Variants in WDR36 observed in about 807,000 individuals in gnomAD.
WDR36 encodes the protein WD repeat-containing protein 36.
WDR36 carries 63 observed loss-of-function variants against 112.7 expected under a neutral mutation model. The ratio of observed to expected loss-of-function variants is 0.56; its 90% confidence interval spans 0.46 to 0.69. The LOEUF (loss-of-function observed/expected upper bound fraction) is 0.69. Among genes scored for constraint, WDR36 ranks in the 30% least tolerant of loss-of-function variants. The pLI is 0.00. For missense variants in WDR36, 1,226 were observed against 1,070.3 expected (o/e 1.15, Z -2.03); for synonymous variants, 410 against 362.2 (o/e 1.13, Z -1.50).
At chr5:111,119,956 A>G (rs529880346) in intron 17 of WDR36, among the ~76,000 whole-genome samples, 40 of 152,212 alleles carry the variant, frequency 2.6e-4, no homozygotes, top group Non-Finnish European at 5.3e-4. Context: ...TTTATTTTCT[A>G]TTCCAGATTC....
At chr5:111,112,691 A>G (rs1163108585) in intron 15 of WDR36, among the ~76,000 whole-genome samples, 1 of 151,968 alleles carries the variant, frequency 6.6e-6, no homozygotes, top group Non-Finnish European at 1.5e-5. Context: ...CATTATTAAA[A>G]GAGAAAAGAT....
chr5:111,105,234 G>A (rs1177034110), intron 9 of WDR36, 61 bp from the exon 10 acceptor site: 1 of 1,508,466 alleles, frequency 6.6e-7, no homozygotes, highest in Non-Finnish European at 9.2e-7. Context: ...TAAAATTTGT[G>A]ATTCACATAG....
chr5:111,096,944 A>G, intron 2 of WDR36, 135 bp from the exon 3 acceptor site: 1 of 632,308 alleles, frequency 1.6e-6, no homozygotes, highest in Non-Finnish European at 2.8e-6. Context: ...AAAATTTTAT[A>G]CACTGATTCT....
chr5:111,118,845 TA>T (rs1561708969), intron 16 of WDR36, among the ~76,000 whole-genome samples, 167 bp from the exon 17 acceptor site: 1 of 152,170 alleles, frequency 6.6e-6, no homozygotes, highest in East Asian at 1.9e-4. Flanking sequence ...GTAACTTAGT[TA>T]ACAAAGCTGT....
Position 111,119,033 on chromosome 5 carries a change from T to G in WDR36, c.1817T>G (p.Leu606Trp), listed in dbSNP as rs1386572814. The G allele has an allele frequency of 6.2e-7, 1 of 1,613,538 alleles. No homozygotes were observed. The highest frequency in any genetic ancestry group is 1.7e-5 in the Admixed American group (1 of 59,998). Residue 606 changes from leucine to tryptophan, a missense_variant, in exon 17 of 23, where the codon TTG becomes TGG. Transcript: ENST00000513710. ...PSGCLIDCFL[L>W]DSAPLNVSMS... Reference sequence around the variant, plus strand: ...TGTAGCCTTATAGACTGCTTTTTGTTGGACTCGGCTCCTCTCAATGTTTCT... The same window carrying G: ...TGTAGCCTTATAGACTGCTTTTTGTGGGACTCGGCTCCTCTCAATGTTTCT...
rs767362378 is a variant in WDR36 at position 111,092,450 on chromosome 5, G to C, written c.-7G>C. ...CAGAGCTGAGAGGAGCTGGGATCGCGGCGGCAATGGAACGGGCCTCAGAAA... is the reference window on the plus strand; with the variant it reads ...CAGAGCTGAGAGGAGCTGGGATCGCCGCGGCAATGGAACGGGCCTCAGAAA... On this transcript the variant is annotated 5_prime_UTR_variant, in exon 1 of 23. Coordinates refer to ENST00000513710, the MANE Select transcript of WDR36 (RefSeq NM_139281.3). 6 of 1,614,230 alleles carry C rather than the reference G, an allele frequency of 3.7e-6. No homozygotes were observed. The highest frequency in any genetic ancestry group is 5.1e-6 in the Non-Finnish European group (6 of 1,180,038).
At chr5:111,122,766 G>A (rs1432431638) in intron 19 of WDR36, among the ~76,000 whole-genome samples, 2 of 152,180 alleles carry the variant, frequency 1.3e-5, no homozygotes, top group South Asian at 2.1e-4. Flanking sequence ...ATAATGTGAG[G>A]TGAAATTGTG....
rs905503206 is a variant in WDR36 at position 111,123,823 on chromosome 5, G to A, written c.2167G>A (p.Glu723Lys). Residue 723 changes from glutamate to lysine, a missense_variant, in exon 20 of 23, where the codon GAA (glutamate) becomes AAA (lysine). By Grantham distance (56) the Glu-to-Lys change is moderately conservative (BLOSUM62 1). Transcript: ENST00000513710. Reference protein sequence around the residue: ...DVIKKKNKPKEPPKVPKSAPF... With the variant: ...DVIKKKNKPKKPPKVPKSAPF... Reference sequence around the variant, plus strand: ...TAATCAGAAAAAGAATAAACCAAAGGAACCACCCAAAGTACCCAAATCAGC... The same window carrying A: ...TAATCAGAAAAAGAATAAACCAAAGAAACCACCCAAAGTACCCAAATCAGC... 2 of 1,613,452 alleles carry A rather than the reference G, an allele frequency of 1.2e-6. No homozygotes were observed. The highest frequency in any genetic ancestry group is 2.7e-5 in the African/African-American group (2 of 74,858).
At chr5:111,126,232 G>C (rs1480300193) in intron 22 of WDR36, among the ~76,000 whole-genome samples, 2 of 151,264 alleles carry the variant, frequency 1.3e-5, no homozygotes, top group African/African-American at 4.9e-5. Context: ...AGTTGGGTTT[G>C]TTTGTTTTTT....
At chr5:111,104,447 G>A (rs776055983) in intron 8 of WDR36, 95 bp downstream of exon 8, 1 of 1,537,526 alleles carries the variant, frequency 6.5e-7, no homozygotes, top group Non-Finnish European at 9.0e-7. Context: ...CAACCTAGAA[G>A]ATGAAAGGAA....
rs895880736 is a variant in WDR36, at chr5:111,111,265, A to G, written c.1703A>G (p.Gln568Arg). 7 of 1,610,948 alleles carry G rather than the reference A, an allele frequency of 4.3e-6. No homozygotes were observed. In the South Asian group the frequency reaches 4.4e-5, roughly 10 times the overall value. The change falls in exon 15 of 23, where the codon CAA becomes CGA. Residue 568 changes from glutamine (Q) to arginine (R), a missense_variant. By Grantham distance (43) the Gln-to-Arg change is conservative. Transcript: ENST00000513710. Reference sequence around the variant, plus strand: ...AGAGAGTTTTCTGGACACCAAGGCCAAATAAATGACATGGTAAAACAAACT... The same window carrying G: ...AGAGAGTTTTCTGGACACCAAGGCCGAATAAATGACATGGTAAAACAAACT... The part of the protein sequence containing the change: ...IVREFSGHQG[Q>R]INDMAFSPDG...
chr5:111,121,192 T>C (rs373785449), intron 19 of WDR36, 51 bp downstream of exon 19: 23 of 1,605,888 alleles, frequency 1.4e-5, no homozygotes, highest in East Asian at 8.9e-5. Flanking sequence ...AGAAGCATTT[T>C]TATTTTTTTA....
intron 1 of WDR36, among the ~76,000 whole-genome samples, chr5:111,093,031 A>G (rs1752900440): frequency 6.6e-6 from 1 of 152,266 alleles, no homozygotes; most frequent in African/African-American, 2.4e-5. Context: ...GGTAGAATAC[A>G]TTGGGAGAAC....
intron 1 of WDR36, among the ~76,000 whole-genome samples, chr5:111,092,831 A>G (rs1283780967): frequency 6.6e-6 from 1 of 152,272 alleles, no homozygotes; most frequent in Admixed American, 6.5e-5. Flanking sequence ...CAGCCTGGCC[A>G]AGGGGAAACT....
intron 2 of WDR36, among the ~76,000 whole-genome samples, chr5:111,096,144 G>T (rs1203000747): frequency 2.0e-5 from 3 of 152,130 alleles, no homozygotes; most frequent in Admixed American, 6.5e-5. Context: ...TAACCCTCCT[G>T]CCCCAAAAGA....
At chr5:111,101,542 C>T (rs1393835880) in intron 5 of WDR36, among the ~76,000 whole-genome samples, 2 of 151,774 alleles carry the variant, frequency 1.3e-5, no homozygotes, top group Admixed American at 6.6e-5. Flanking sequence ...AGCTAGAGGG[C>T]TGGATACATG....
In WDR36 at chr5:111,125,769, C is replaced by G; in HGVS notation, c.2512C>G (p.Gln838Glu). The change falls in exon 22 of 23, where the codon CAG becomes GAG. Residue 838 changes from glutamine to glutamate, a missense_variant. Gln to Glu is a conservative substitution (Grantham distance 29, BLOSUM62 2). Coordinates refer to ENST00000513710, the MANE Select transcript of WDR36 (RefSeq NM_139281.3). ...CAGAAAGCGTGATTTTGAGTTAGCC[C>G]AGGCATACCTTGCATTGTTTCTAAA... ...LDRKRDFELA[Q>E]AYLALFLKLH... 6.2e-7 allele frequency: 1 copy of G among 1,613,780 alleles called. No individual in the cohort carries two copies. Among genetic ancestry groups the G allele is most frequent in the Non-Finnish European group, 8.5e-7 (1 of 1,179,796 alleles).
Position 111,099,787 on chromosome 5 carries a change from T to C in WDR36, c.410-802T>C, listed in dbSNP as rs556862659. Among the ~76,000 whole-genome samples, 5 of 152,040 alleles carry C rather than the reference T, an allele frequency of 3.3e-5. 1 individual carries two copies. The South Asian group carries it at 1.0e-3, about 31-fold the overall frequency. On this transcript the variant is annotated intron_variant, in intron 4 of 22. Transcript: ENST00000513710. The stretch of plus-strand genomic sequence containing the variant: ...TTTATATAATTTTCACCTATACCTG[T>C]ACATCCTAAACTGTGGTACCCATAC...
At chr5:111,107,195 C>G in intron 11 of WDR36, 99 bp from the exon 12 acceptor site, 4 of 1,372,430 alleles carry the variant, frequency 2.9e-6, no homozygotes, top group Non-Finnish European at 2.0e-6. Context: ...TTTGTTTTAC[C>G]ATTGTATCCC....
Sources: allele counts gnomAD v4.1 joint callset (sites outside exome capture counted in the v4.1 genomes callset), GRCh38; gene constraint gnomAD v4.1.1; transcripts MANE v1.5; gene names NCBI Gene and HGNC (gene_info 2026-07-23, HGNC 2026-07-21).